Variants in CUBN observed in about 807,000 individuals in gnomAD.
The protein encoded by CUBN is 460 kDa receptor.
In CUBN, 282 loss-of-function variants were observed where a neutral mutation model predicts 405.3. That is an observed-to-expected ratio of 0.70 (90% CI 0.63 to 0.77). The LOEUF is 0.77. Ranked by LOEUF, CUBN falls within the 30% of genes least tolerant of loss-of-function variation. CUBN has a pLI of 0.00. For synonymous variants in CUBN, 1,684 were observed against 1,617.0 expected, an observed-to-expected ratio of 1.04 and a Z score of -0.99; for missense variants, 4,514 against 4,475.2, an observed-to-expected ratio of 1.01 and a Z score of -0.25.
intron 3 of CUBN, among the ~76,000 whole-genome samples, chr10:17,127,243 T>C (rs2131328955): frequency 6.9e-6 from 1 of 145,410 alleles, no homozygotes; most frequent in East Asian, 2.0e-4. Flanking sequence ...TCTCTCTCTT[T>C]CTGTCTCTCT....
intron 13 of CUBN, among the ~76,000 whole-genome samples, chr10:17,101,167 T>C (rs964793301): frequency 6.6e-6 from 1 of 152,166 alleles, no homozygotes; most frequent in Non-Finnish European, 1.5e-5. Context: ...CTTAAAACAG[T>C]TTAAATGAAA....
intron 27 of CUBN, among the ~76,000 whole-genome samples, chr10:17,025,515 G>A (rs1445677507): frequency 6.6e-6 from 1 of 152,190 alleles, no homozygotes; most frequent in Non-Finnish European, 1.5e-5. Flanking sequence ...AACAGCAAAT[G>A]AGATAAACCA....
Position 16,862,160 on chromosome 10 carries a change from T to TCTCACA in CUBN, c.9454+7475_9454+7476insTGTGAG, listed in dbSNP as rs144560387. 1.4e-3 allele frequency among the ~76,000 whole-genome samples: 180 copies of TCTCACA among 131,208 alleles called. 1 individual carries two copies. Among genetic ancestry groups the TCTCACA allele is most frequent in the Middle Eastern group, 7.4e-3 (2 of 270 alleles). 86.1% of individuals were successfully genotyped at this position (131,208 alleles called of 152,430 possible). A position where few individuals can be genotyped will look rare whatever the true frequency, so the allele number is the denominator to read the frequency against. On this transcript the variant is annotated intron_variant, in intron 59 of 66. Transcript: ENST00000377833. Reference sequence around the variant, plus strand: ...GAGACTCCGTCTCTCTCTCTCTCTCTCACACACACACACACACACACACAC... The same window carrying TCTCACA: ...GAGACTCCGTCTCTCTCTCTCTCTCTCTCACACACACACACACACACACACACACAC...
rs1836839444 is a variant in CUBN, at chr10:17,114,339, TTAAGCA to T, written c.721-156_721-151del. On this transcript the variant is annotated intron_variant, in intron 7 of 66. Transcript: ENST00000377833. The stretch of plus-strand genomic sequence containing the variant: ...GGCTTCTCTTTTTCTTCCCATATGA[TTAAGCA>T]TTTAGACCAGACCATGCAAAAAGGG... The T allele has an allele frequency of 3.7e-6, 3 of 800,706 alleles. No homozygotes were observed. In the Admixed American group the frequency reaches 6.1e-5, roughly 16 times the overall value. The allele number at this position is 800,706 out of a possible 1,614,324, so 49.6% of individuals were successfully genotyped here. A position where few individuals can be genotyped will look rare whatever the true frequency, so the allele number is the denominator to read the frequency against.
At chr10:16,852,456 C>T (rs561589513) in intron 59 of CUBN, among the ~76,000 whole-genome samples, 9 of 147,946 alleles carry the variant, frequency 6.1e-5, no homozygotes, top group African/African-American at 1.2e-4. Flanking sequence ...TCTTTCCCTC[C>T]CTCCCTCCCT....
intron 15 of CUBN, among the ~76,000 whole-genome samples, chr10:17,087,848 G>T (rs1049736795): frequency 2.0e-5 from 3 of 152,114 alleles, no homozygotes; most frequent in African/African-American, 4.8e-5. Context: ...GTTTGAATCT[G>T]CATTGAAGGA....
intron 28 of CUBN, among the ~76,000 whole-genome samples, chr10:16,992,717 T>G (rs1833629164): frequency 6.6e-6 from 1 of 152,204 alleles, no homozygotes; most frequent in Non-Finnish European, 1.5e-5. Context: ...TCCTTTCACT[T>G]GAAAACCTCT....
At chr10:16,851,787 TCTCC>T (rs1839699813) in intron 59 of CUBN, among the ~76,000 whole-genome samples, 2 of 97,602 alleles carry the variant, frequency 2.0e-5, no homozygotes, top group Non-Finnish European at 4.1e-5. Flanking sequence ...TCTTTCCCTC[TCTCC>T]CTCCATCTTT....
intron 31 of CUBN, among the ~76,000 whole-genome samples, chr10:16,962,635 C>A (rs921572623): frequency 6.6e-6 from 1 of 152,098 alleles, no homozygotes; most frequent in South Asian, 2.1e-4. Context: ...TGGTTCCTGC[C>A]CTCTTGCTAG....
chr10:17,086,833 A>T (rs1836120776), intron 15 of CUBN, among the ~76,000 whole-genome samples: 1 of 152,224 alleles, frequency 6.6e-6, no homozygotes, highest in African/African-American at 2.4e-5. Context: ...GAAATGAGAG[A>T]CATTTCAATA....
At chr10:16,837,867 G>C (rs954614840) in intron 62 of CUBN, among the ~76,000 whole-genome samples, 2 of 152,144 alleles carry the variant, frequency 1.3e-5, no homozygotes, top group Non-Finnish European at 2.9e-5. Context: ...GGTCTTACTC[G>C]AGGCTGCTCC....
chr10:17,080,906 A>G (rs45500301), intron 17 of CUBN, among the ~76,000 whole-genome samples: 3 of 152,154 alleles, frequency 2.0e-5, no homozygotes, highest in Non-Finnish European at 2.9e-5. Context: ...AAAACAGATG[A>G]ACTAACAATT....
At chr10:17,062,302 G>T (rs1198398091) in intron 22 of CUBN, among the ~76,000 whole-genome samples, 2 of 151,996 alleles carry the variant, frequency 1.3e-5, no homozygotes, top group Non-Finnish European at 2.9e-5. Flanking sequence ...AAATGAATCC[G>T]GTACATTTAT....
At chr10:16,922,765 C>T (rs937883015) in intron 43 of CUBN, among the ~76,000 whole-genome samples, 1 of 152,084 alleles carries the variant, frequency 6.6e-6, no homozygotes, top group East Asian at 1.9e-4. Flanking sequence ...CCCTGGAACC[C>T]TCTCTGATGT....
At chr10:17,084,203 C>T in intron 17 of CUBN, 68 bp downstream of exon 17, 2 of 1,509,698 alleles carry the variant, frequency 1.3e-6, no homozygotes, top group Non-Finnish European at 9.2e-7. Context: ...CTTTTGAAGA[C>T]CACCACTCTG....
In CUBN at chr10:17,111,042, C is replaced by T; in HGVS notation, c.892G>A (p.Gly298Ser). 6.2e-7 allele frequency: 1 copy of T among 1,614,132 alleles called. No individual in the cohort carries two copies. The highest frequency in any genetic ancestry group is 1.1e-5 in the South Asian group (1 of 91,086). The change falls in exon 9 of 67, where the codon GGC becomes AGC. Residue 298 changes from glycine to serine, a missense_variant. Around this residue, in one of 5 missense-constraint regions of CUBN, gnomAD observed 1,448 missense variants for 1,388.0 expected, o/e 1.04. Coordinates refer to ENST00000377833, the MANE Select transcript of CUBN (RefSeq NM_001081.4). ...YCGACPTGWQ[G>S]NGYICEDINE... ...ATATCTTCGCAAATATATCCATTGC[C>T]TTGCCAGCCTAGGAAAACAAGAGGA...
rs141315041 is a variant in CUBN at position 17,123,099 on chromosome 10, A to C, written c.490-201T>G. On this transcript the variant is annotated intron_variant, in intron 5 of 66. Transcript: ENST00000377833. ...ACCTAATAGAACACAAGAGCTCTTC[A>C]TAAGATCACAGCAGTCACAGGAGAG... Among the ~76,000 whole-genome samples, 911 of 152,334 alleles carry C rather than the reference A, an allele frequency of 6.0e-3. 12 individuals are homozygous for C. The highest frequency in any genetic ancestry group is 0.021 in the African/African-American group (856 of 41,584).
chr10:16,830,063 G>C (rs781045748), intron 65 of CUBN, among the ~76,000 whole-genome samples: 46 of 152,222 alleles, frequency 3.0e-4, no homozygotes, highest in South Asian at 6.2e-4. Flanking sequence ...AGCCTCCCGA[G>C]TAGCTGGGAT....
At chr10:16,995,718 G>A (rs928458082) in intron 28 of CUBN, among the ~76,000 whole-genome samples, 2 of 152,128 alleles carry the variant, frequency 1.3e-5, no homozygotes. Flanking sequence ...AAGCTATCAT[G>A]AATAGCTAGA....
Sources: allele counts gnomAD v4.1 joint callset (sites outside exome capture counted in the v4.1 genomes callset), GRCh38; gene constraint gnomAD v4.1.1; regional missense constraint gnomAD v4.1.1; transcripts MANE v1.5; gene names NCBI Gene and HGNC (gene_info 2026-07-23, HGNC 2026-07-21).